The following RPL21 variants were observed in gnomAD, a reference collection of about 807,000 sequenced individuals.
RPL21 encodes large ribosomal subunit protein eL21.
A neutral mutation model predicts 21.2 loss-of-function variants in RPL21; 1 was observed. That is an observed-to-expected ratio of 0.05 (90% CI 0.02 to 0.22). The LOEUF is 0.22. Among genes scored for constraint, RPL21 ranks in the 10% least tolerant of loss-of-function variants. RPL21 has a pLI of 1.00. For synonymous variants in RPL21, 52 were observed against 62.9 expected, an observed-to-expected ratio of 0.83 and a Z score of 0.82; for missense variants, 113 against 199.4, an observed-to-expected ratio of 0.57 and a Z score of 2.61.
At chr13:27,254,810 C>T (rs569169652) in intron 3 of RPL21, 8 of 350,130 alleles carry the variant, frequency 2.3e-5, no homozygotes, top group East Asian at 1.5e-4. Context: ...TGTGAACCAC[C>T]GTGCCCGGCC....
intron 2 of RPL21, 55 bp from the exon 3 acceptor site, chr13:27,254,165 C>A (rs1442793877): frequency 2.2e-5 from 24 of 1,092,942 alleles, no homozygotes; most frequent in Non-Finnish European, 3.4e-5. Flanking sequence ...AATTGCATTT[C>A]TTTTACTCTA....
Position 27,256,352 on chromosome 13 carries a change from A to G in RPL21, c.393+18A>G. On this transcript the variant is annotated intron_variant, in intron 5 of 5. Transcript: ENST00000311549. ...AGCGCCAGGTAAGAATTTGGTGTAT[A>G]TTTCATTGGTTCTGAGAGCACTTTA... 1 of 1,608,132 alleles carries G rather than the reference A, an allele frequency of 6.2e-7. No homozygotes were observed.
chr13:27,251,627 G>A (rs569664125), intron 1 of RPL21, 42 bp downstream of exon 1: 46 of 152,446 alleles, frequency 3.0e-4, no homozygotes, highest in African/African-American at 1.1e-3. Flanking sequence ...GTGTTCGACA[G>A]ACTTGAACCG....
At position 27,256,534 on chromosome 13, in the gene RPL21, A is replaced by C. The variant is rs748849950; in HGVS notation, c.*9A>C. ...ATGAATTCATGGCATAATAGGTGTT[A>C]AAAAAAAAAATAAAGGACCTCTGGG... On this transcript the variant is annotated 3_prime_UTR_variant, in exon 6 of 6. Transcript: ENST00000311549. The C allele has an allele frequency of 4.5e-5, 31 of 692,326 alleles. No homozygotes were observed. Among genetic ancestry groups the C allele is most frequent in the Admixed American group, 3.6e-4 (14 of 38,918 alleles). The allele number at this position is 692,326 out of a possible 1,614,324, so 42.9% of individuals were successfully genotyped here.
chr13:27,254,989 T>C, intron 3 of RPL21: 2 of 650,590 alleles, frequency 3.1e-6, no homozygotes, highest in South Asian at 3.0e-5. Context: ...AAGATTACTA[T>C]TACTATGATT....
intron 3 of RPL21, 39 bp downstream of exon 3, chr13:27,254,320 G>C (rs1566038752): frequency 1.7e-6 from 2 of 1,205,196 alleles, no homozygotes; most frequent in South Asian, 2.4e-5. Flanking sequence ...ACAGAAGATA[G>C]AAAAGTTGGA....
chr13:27,253,025 G>C (rs1174264427), intron 1 of RPL21, among the ~76,000 whole-genome samples: 1 of 152,210 alleles, frequency 6.6e-6, no homozygotes, highest in Non-Finnish European at 1.5e-5. Context: ...TGAATTCTTA[G>C]ATAATGATAA....
chr13:27,253,669 C>T, intron 1 of RPL21, 96 bp from the exon 2 acceptor site: 2 of 738,828 alleles, frequency 2.7e-6, no homozygotes, highest in Admixed American at 1.9e-5. Flanking sequence ...TTGCAGTTCT[C>T]ACTTCGCTAC....
At position 27,254,392 on chromosome 13, in the gene RPL21, ATTTTTT is replaced by A. The variant is rs555263610; in HGVS notation, c.129+125_129+130del. The A allele has an allele frequency of 5.9e-5, 17 of 286,830 alleles. 1 individual carries two copies. The highest frequency in any genetic ancestry group is 1.1e-3 in the Middle Eastern group (1 of 924). The allele number at this position is 286,830 out of a possible 1,614,324, so 17.8% of individuals were successfully genotyped here. ...TTGCATCTGTAAGAGTATAGAATGG[ATTTTTT>A]TTTTTTTTTTTTTGGAGACGGAGTT... On this transcript the variant is annotated intron_variant, in intron 3 of 5. Coordinates refer to ENST00000311549, the MANE Select transcript of RPL21 (RefSeq NM_000982.4).
Position 27,256,212 on chromosome 13 carries a change from G to T in RPL21, c.271G>T (p.Val91Leu), listed in dbSNP as rs772909627. Residue 91 changes from valine (V) to leucine (L), a missense_variant, in exon 5 of 6, where the codon GTG (valine) becomes TTG (leucine). By Grantham distance (32) the Val-to-Leu change is conservative. Transcript: ENST00000311549. ...CAAGATTCTTGCCAAGAGAATTAATGTGCGTATTGAGCACATTAAGCACTC... is the reference window on the plus strand; with the variant it reads ...CAAGATTCTTGCCAAGAGAATTAATTTGCGTATTGAGCACATTAAGCACTC... ...KGKILAKRINVRIEHIKHSKS... is the reference protein window; with the variant it reads ...KGKILAKRINLRIEHIKHSKS... 3.1e-6 allele frequency: 5 copies of T among 1,594,284 alleles called. No individual in the cohort carries two copies. The highest frequency in any genetic ancestry group is 2.2e-5 in the South Asian group (2 of 89,058).
At position 27,252,155 on chromosome 13, in the gene RPL21, C is replaced by T. The variant is rs536879058; in HGVS notation, c.-13+570C>T. Among the ~76,000 whole-genome samples the T allele has an allele frequency of 6.6e-5, 10 of 152,206 alleles. No individual in the cohort carries two copies. In the East Asian group the frequency reaches 1.5e-3, roughly 24 times the overall value. ...CCCGGAGTCGTCCTGGGTGATGAAC[C>T]CTCACTGCCCTTAGTTAATGCATAA... On this transcript the variant is annotated intron_variant, in intron 1 of 5. Coordinates refer to ENST00000311549, the MANE Select transcript of RPL21 (RefSeq NM_000982.4).
At position 27,255,589 on chromosome 13, in the gene RPL21, C is replaced by G. The variant is rs1406559895; in HGVS notation, c.242+235C>G. On this transcript the variant is annotated intron_variant, in intron 4 of 5. Coordinates refer to ENST00000311549, the MANE Select transcript of RPL21 (RefSeq NM_000982.4). ...ACTAAGCGGTTTGTTTGTTTTGTTT[C>G]GAGACGGAGTCTTGCTCTGTCGCCC... is the stretch of plus-strand genomic sequence containing the variant. 60 of 659,784 alleles carry G rather than the reference C, an allele frequency of 9.1e-5. 2 individuals are homozygous for G. Among genetic ancestry groups the G allele is most frequent in the South Asian group, 8.0e-4 (57 of 70,946 alleles). The allele number at this position is 659,784 out of a possible 1,614,324, so 40.9% of individuals were successfully genotyped here.
At chr13:27,256,127 T>C in intron 4 of RPL21, 57 bp from the exon 5 acceptor site, 1 of 1,354,320 alleles carries the variant, frequency 7.4e-7, no homozygotes, top group Non-Finnish European at 1.0e-6. Context: ...AAATCAGTTT[T>C]CTACATTTCT....
At position 27,255,414 on chromosome 13, in the gene RPL21, C is replaced by T. The variant is rs376813926; in HGVS notation, c.242+60C>T. The stretch of plus-strand genomic sequence containing the variant: ...TATTCCCTCATATACCCCCTTTTCA[C>T]TTTGCCAGTTGGACTTATGTCTTTA... On this transcript the variant is annotated intron_variant, in intron 4 of 5. Transcript: ENST00000311549. 4.4e-5 allele frequency: 35 copies of T among 800,672 alleles called. No individual in the cohort carries two copies. In the African/African-American group the frequency reaches 4.9e-4, roughly 11 times the overall value. 49.6% of individuals were successfully genotyped at this position (800,672 alleles called of 1,614,324 possible). A position where few individuals can be genotyped will look rare whatever the true frequency, so the allele number is the denominator to read the frequency against.
rs566789694 is a variant in RPL21, at chr13:27,253,078, A to C, written c.-12-687A>C. On this transcript the variant is annotated intron_variant, in intron 1 of 5. Coordinates refer to ENST00000311549, the MANE Select transcript of RPL21 (RefSeq NM_000982.4). Reference sequence around the variant, plus strand: ...ACTGAGCACTTTACACGGGCCAAGCATTGCTGAGTTCTTTGTAGACATTAC... The same window carrying C: ...ACTGAGCACTTTACACGGGCCAAGCCTTGCTGAGTTCTTTGTAGACATTAC... Among the ~76,000 whole-genome samples the C allele has an allele frequency of 6.6e-5, 10 of 152,358 alleles. No individual in the cohort carries two copies. In the East Asian group the frequency reaches 1.9e-3, roughly 29 times the overall value.
chr13:27,255,137 T>G (rs1881836916), intron 3 of RPL21, 105 bp from the exon 4 acceptor site: 1 of 779,952 alleles, frequency 1.3e-6, no homozygotes, highest in Admixed American at 1.7e-5. Context: ...CTGAAAGCTC[T>G]TGAGTTGCCA....
At chr13:27,254,191 TACTC>T in intron 2 of RPL21, 25 bp from the exon 3 acceptor site, 1 of 1,401,998 alleles carries the variant, frequency 7.1e-7, no homozygotes, top group South Asian at 1.2e-5. Flanking sequence ...TTAGCCTTAA[TACTC>T]ACTATACCAA....
Position 27,253,795 on chromosome 13 carries a change from A to G in RPL21, c.19A>G (p.Lys7Glu). 1 of 1,608,162 alleles carries G rather than the reference A, an allele frequency of 6.2e-7. No individual in the cohort carries two copies. The highest frequency in any genetic ancestry group is 8.5e-7 in the Non-Finnish European group (1 of 1,174,728). Residue 7 changes from lysine (K) to glutamate (E), a missense_variant, in exon 2 of 6, where the codon AAG (lysine) becomes GAG (glutamate). By Grantham distance (56) the Lys-to-Glu change is moderately conservative (BLOSUM62 1). Coordinates refer to ENST00000311549, the MANE Select transcript of RPL21 (RefSeq NM_000982.4). MTNTKG[K>E]RRGTRYMFSR... Reference sequence around the variant, plus strand: ...CGCCAAAATGACGAACACAAAGGGAAAGAGGAGAGGCACCCGATATATGTT... The same window carrying G: ...CGCCAAAATGACGAACACAAAGGGAGAGAGGAGAGGCACCCGATATATGTT...
intron 1 of RPL21, chr13:27,251,833 G>A (rs1039181379): frequency 1.3e-5 from 2 of 152,388 alleles, no homozygotes; most frequent in South Asian, 2.1e-4. Context: ...CGAGAAAGAC[G>A]AGACTGAGTC....
Sources: gnomAD v4.1 joint callset for allele counts (sites outside exome capture counted in the v4.1 genomes callset) on GRCh38, gnomAD v4.1.1 for gene constraint, MANE v1.5 for transcripts, NCBI Gene and HGNC (gene_info 2026-07-23, HGNC 2026-07-21) for gene names.